PROX1: variants seen among roughly 807,000 people sequenced by gnomAD.
PROX1 encodes the protein prospero homeobox 1, also known as prospero homeobox protein 1.
PROX1 carries 7 observed loss-of-function variants against 58.8 expected under a neutral mutation model. The ratio of observed to expected loss-of-function variants is 0.12; its 90% CI spans 0.07 to 0.22. PROX1 has a LOEUF of 0.22. PROX1 is among the 10% of genes least tolerant of loss of function. PROX1 has a pLI of 1.00. For missense variants in PROX1, 675 were observed against 927.8 expected (o/e 0.73, Z 3.54); for synonymous variants, 350 against 358.3 (o/e 0.98, Z 0.26).
chr1:213,985,991 T>A (rs1002180025), upstream of PROX1: 4 of 152,184 alleles, frequency 2.6e-5, no homozygotes, highest in Non-Finnish European at 5.9e-5. Flanking sequence ...AGAAAACTAG[T>A]AGGACGAAAA....
intron 4 of PROX1, among the ~76,000 whole-genome samples, chr1:214,012,896 G>T (rs775503116): frequency 6.6e-6 from 1 of 152,120 alleles, no homozygotes. Flanking sequence ...CAATTAAGGG[G>T]TCTGACCCCT....
At chr1:214,015,238 G>C (rs1261318366) in intron 4 of PROX1, among the ~76,000 whole-genome samples, 2 of 152,148 alleles carry the variant, frequency 1.3e-5, no homozygotes, top group African/African-American at 4.8e-5. Flanking sequence ...ATCACACCGG[G>C]TGGGGTGTCT....
intron 1 of PROX1, among the ~76,000 whole-genome samples, chr1:213,996,198 T>A (rs1571801317): frequency 1.3e-5 from 2 of 152,176 alleles, no homozygotes; most frequent in Admixed American, 1.3e-4. Context: ...ATAAACAGTA[T>A]CATTTTAGGC....
At position 214,013,279 on chromosome 1, in the gene PROX1, A is replaced by C. The variant is rs567139409; in HGVS notation, c.2028+1564A>C. Among the ~76,000 whole-genome samples the C allele has an allele frequency of 2.0e-5, 3 of 152,274 alleles. No individual in the cohort carries two copies. In the East Asian group the frequency reaches 5.8e-4, roughly 29 times the overall value. ...CACTGGCTCACTATAATGACAGAGCACTAGCAGGCTTCTTCTAAAGCTGAA... is the reference window on the plus strand; with the variant it reads ...CACTGGCTCACTATAATGACAGAGCCCTAGCAGGCTTCTTCTAAAGCTGAA... On this transcript the variant is annotated intron_variant, in intron 4 of 4. Transcript: ENST00000366958.
chr1:213,990,563 G>A (rs1238392598), intron 1 of PROX1, among the ~76,000 whole-genome samples: 2 of 152,066 alleles, frequency 1.3e-5, no homozygotes, highest in Non-Finnish European at 2.9e-5. Flanking sequence ...TAGGCAGCAG[G>A]TGGAGGGAGA....
Position 214,037,743 on chromosome 1 carries a change from C to T in PROX1, c.*1909C>T, listed in dbSNP as rs1482416012. The T allele has an allele frequency of 6.6e-6, 1 of 152,092 alleles. No individual in the cohort carries two copies. The highest frequency in any genetic ancestry group is 1.5e-5 in the Non-Finnish European group (1 of 68,036). 9.4% of individuals were successfully genotyped at this position (152,092 alleles called of 1,614,324 possible). ...CTACTAATGCACAGAGTCATTAGAT[C>T]CAATTTGTTATTTTTCTCACTTGCT... On this transcript the variant is annotated 3_prime_UTR_variant, in exon 5 of 5. Coordinates refer to ENST00000366958, the MANE Select transcript of PROX1 (RefSeq NM_001270616.2).
chr1:214,011,826 TC>T, intron 4 of PROX1, 111 bp downstream of exon 4: 3 of 876,222 alleles, frequency 3.4e-6, no homozygotes, highest in Non-Finnish European at 3.3e-6. Flanking sequence ...CATACAAGCA[TC>T]CCCCAATAGA....
At chr1:213,994,792 T>TAA in intron 1 of PROX1, among the ~76,000 whole-genome samples, 1 of 116,218 alleles carries the variant, frequency 8.6e-6, no homozygotes, top group South Asian at 2.7e-4. Flanking sequence ...TATATATATA[T>TAA]ATATATATAT....
At chr1:213,986,934 T>A (rs919537201), upstream of PROX1, among the ~76,000 whole-genome samples, 3 of 152,160 alleles carry the variant, frequency 2.0e-5, no homozygotes, top group South Asian at 4.1e-4. Context: ...CCAAAGTAAA[T>A]TTTCTAGGGC....
intron 1 of PROX1, among the ~76,000 whole-genome samples, chr1:213,996,091 C>A (rs1279856790): frequency 6.6e-6 from 1 of 152,018 alleles, no homozygotes; most frequent in African/African-American, 2.4e-5. Flanking sequence ...AAGTATAGAG[C>A]AGTTTCATCT....
intron 2 of PROX1, among the ~76,000 whole-genome samples, chr1:214,003,529 T>G (rs1663598998): frequency 6.6e-6 from 1 of 152,250 alleles, no homozygotes; most frequent in Non-Finnish European, 1.5e-5. Context: ...AATTATCGTC[T>G]TTGTAATCAT....
intron 4 of PROX1, among the ~76,000 whole-genome samples, chr1:214,033,534 GT>G (rs1664733460): frequency 6.6e-6 from 1 of 152,230 alleles, no homozygotes; most frequent in Non-Finnish European, 1.5e-5. Context: ...GGAGGCAGAG[GT>G]TGCAGTGAGC....
rs1477657207 is a variant in PROX1 at position 214,039,265 on chromosome 1, A to T, written c.*3431A>T. ...TCTGGCTGTTTAATGAGGACGTTTC[A>T]CATTAAATGGTAAAACACATGGAAG... On this transcript the variant is annotated 3_prime_UTR_variant, in exon 5 of 5. Transcript: ENST00000366958. 1 of 152,226 alleles carries T rather than the reference A, an allele frequency of 6.6e-6. No homozygotes were observed. The highest frequency in any genetic ancestry group is 2.4e-5 in the African/African-American group (1 of 41,458). The allele number at this position is 152,226 out of a possible 1,614,324, so 9.4% of individuals were successfully genotyped here.
At chr1:214,032,232 C>T (rs1664681630) in intron 4 of PROX1, among the ~76,000 whole-genome samples, 1 of 152,084 alleles carries the variant, frequency 6.6e-6, no homozygotes, top group Non-Finnish European at 1.5e-5. Flanking sequence ...AAAAGGGAGC[C>T]AGCATCGTTT....
In PROX1 at chr1:214,005,077, C is replaced by T. The variant is rs1663658562; in HGVS notation, c.1726-88C>T. 3 of 1,040,766 alleles carry T rather than the reference C, an allele frequency of 2.9e-6. No homozygotes were observed. The Admixed American group carries it at 5.7e-5, about 20-fold the overall frequency. 64.5% of individuals were successfully genotyped at this position (1,040,766 alleles called of 1,614,324 possible). ...CTCCCACCGCAGCTTGATGGACCCCCAGACTCTATGGAGGTGGGGACTGGA... is the reference window on the plus strand; with the variant it reads ...CTCCCACCGCAGCTTGATGGACCCCTAGACTCTATGGAGGTGGGGACTGGA... On this transcript the variant is annotated intron_variant, in intron 2 of 4. Transcript: ENST00000366958.
At chr1:214,024,785 C>T (rs964485166) in intron 4 of PROX1, among the ~76,000 whole-genome samples, 9 of 152,174 alleles carry the variant, frequency 5.9e-5, no homozygotes, top group Admixed American at 5.9e-4. Flanking sequence ...CCCAGCTTCC[C>T]TTCATGCAAT....
intron 4 of PROX1, among the ~76,000 whole-genome samples, chr1:214,024,487 G>T (rs1240975904): frequency 6.6e-6 from 1 of 152,124 alleles, no homozygotes; most frequent in Admixed American, 6.5e-5. Context: ...CCATGAACTT[G>T]TGTTCTCTGA....
chr1:213,996,501 C>A lies in PROX1; in HGVS notation c.-35C>A. On this transcript the variant is annotated 5_prime_UTR_variant, in exon 2 of 5. Coordinates refer to ENST00000366958, the MANE Select transcript of PROX1 (RefSeq NM_001270616.2). ...GGATTCTTGAGCTGTGCCCAGCTGA[C>A]GAGCTTTTGAAGATGGCACAATAAC... 6.3e-7 allele frequency: 1 copy of A among 1,578,904 alleles called. No homozygotes were observed.
chr1:214,019,662 T>G (rs1325519561), intron 4 of PROX1, among the ~76,000 whole-genome samples: 2 of 152,198 alleles, frequency 1.3e-5, no homozygotes, highest in East Asian at 3.9e-4. Context: ...TGTCACCTTG[T>G]GTACAGTCTG....
Sources: gnomAD v4.1 joint callset for allele counts (sites outside exome capture counted in the v4.1 genomes callset) on GRCh38, gnomAD v4.1.1 for gene constraint, MANE v1.5 for transcripts, NCBI Gene and HGNC (gene_info 2026-07-23, HGNC 2026-07-21) for gene names.